The following COL5A2 variants were observed in gnomAD, a reference collection of about 807,000 sequenced individuals.
COL5A2 encodes collagen alpha-2(V) chain.
COL5A2 carries 23 observed loss-of-function variants against 208.2 expected under a neutral mutation model. The observed-to-expected ratio is 0.11, with a 90% CI of 0.08 to 0.16. The LOEUF is 0.16. COL5A2 is among the 10% of genes least tolerant of loss of function. The probability of loss-of-function intolerance (pLI) is 1.00; values close to 1 mark genes in which losing one functional copy is unlikely to be tolerated. For synonymous variants in COL5A2, 625 were observed against 628.5 expected, an observed-to-expected ratio of 0.99 and a Z score of 0.08; for missense variants, 1,590 against 1,956.4, an observed-to-expected ratio of 0.81 and a Z score of 3.53.
intron 1 of COL5A2, among the ~76,000 whole-genome samples, chr2:189,145,366 A>G (rs1688018697): frequency 6.6e-6 from 1 of 152,156 alleles, no homozygotes; most frequent in Admixed American, 6.6e-5. Context: ...CGTTCACTGA[A>G]TTTCCTATTT....
chr2:189,131,037 G>A (rs868189044), intron 1 of COL5A2, among the ~76,000 whole-genome samples: 16 of 152,164 alleles, frequency 1.1e-4, no homozygotes, highest in African/African-American at 3.6e-4. Flanking sequence ...CAAAAATTCA[G>A]CAAGGTAAAG....
the COL5A2 span, among the ~76,000 whole-genome samples, chr2:189,239,231 T>A: frequency 6.6e-6 from 1 of 152,066 alleles, no homozygotes; most frequent in Non-Finnish European, 1.5e-5. Context: ...ATGTTTATCT[T>A]CAGATTTTTT....
chr2:189,084,831 T>C (rs1362296635), intron 11 of COL5A2, among the ~76,000 whole-genome samples: 1 of 152,202 alleles, frequency 6.6e-6, no homozygotes, highest in East Asian at 1.9e-4. Flanking sequence ...CAGAGCAACA[T>C]ATTTTTTCTT....
intron 1 of COL5A2, among the ~76,000 whole-genome samples, chr2:189,128,753 A>C (rs1687655926): frequency 6.6e-6 from 1 of 152,054 alleles, no homozygotes; most frequent in Non-Finnish European, 1.5e-5. Context: ...GTTGTTCTTT[A>C]GAATGATCAT....
the COL5A2 span, among the ~76,000 whole-genome samples, chr2:189,259,071 G>A: frequency 3.9e-5 from 6 of 152,134 alleles, no homozygotes; most frequent in South Asian, 2.1e-4. Flanking sequence ...GACAGCAGAC[G>A]GGAAGATCAG....
the COL5A2 span, among the ~76,000 whole-genome samples, chr2:189,329,827 T>C: frequency 2.6e-5 from 4 of 151,972 alleles, no homozygotes; most frequent in Admixed American, 2.0e-4. Flanking sequence ...AATAATGTGA[T>C]GTCCACTTAG....
chr2:189,085,657 T>C lies in COL5A2; in HGVS notation c.744+62A>G, dbSNP rs893222950. The C allele has an allele frequency of 5.8e-6, 8 of 1,376,424 alleles. No homozygotes were observed. In the African/African-American group the frequency reaches 8.5e-5, roughly 15 times the overall value. 85.3% of individuals were successfully genotyped at this position (1,376,424 alleles called of 1,614,324 possible). A position where few individuals can be genotyped will look rare whatever the true frequency, so the allele number is the denominator to read the frequency against. ...CCTGGGAAGATAAATAACTCAATAT[T>C]TGACATCATTATAATGGTGGACCCA... On this transcript the variant is annotated intron_variant, in intron 10 of 53. Transcript: ENST00000374866.
the COL5A2 span, among the ~76,000 whole-genome samples, chr2:189,395,898 C>CAAAAAAA: frequency 3.8e-5 from 2 of 53,210 alleles, no homozygotes; most frequent in African/African-American, 7.8e-5. Context: ...GGACACATCT[C>CAAAAAAA]AAAAAAAAAA....
rs1218045479 is a variant in COL5A2, at chr2:189,196,327, CT to C, written c.-42+28820del. On this transcript the variant is annotated intron_variant, in intron 1 of 10. Coordinates refer to the COL5A2 transcript ENST00000649966. The stretch of plus-strand genomic sequence containing the variant: ...TATCTCTTTATTCTGGCTGCATTTT[CT>C]TTTTTAAGGCTTTCAGGAGCATAAA... 7.4e-5 allele frequency among the ~76,000 whole-genome samples: 11 copies of C among 148,338 alleles called. No homozygotes were observed. In the Admixed American group the frequency reaches 7.4e-4, roughly 10 times the overall value.
At chr2:189,195,173 A>G (rs1688984227) in intron 1 of COL5A2, among the ~76,000 whole-genome samples, 1 of 152,166 alleles carries the variant, frequency 6.6e-6, no homozygotes, top group African/African-American at 2.4e-5. Flanking sequence ...CTATACACCA[A>G]CAATAGACAA....
At chr2:189,376,639 A>G in the COL5A2 span, among the ~76,000 whole-genome samples, 1 of 152,208 alleles carries the variant, frequency 6.6e-6, no homozygotes, top group African/African-American at 2.4e-5. Context: ...TCCCTAATAT[A>G]GAAAGGTTTG....
At chr2:189,322,524 T>G in the COL5A2 span, among the ~76,000 whole-genome samples, 21 of 152,184 alleles carry the variant, frequency 1.4e-4, 1 homozygote, top group South Asian at 4.1e-3. Flanking sequence ...AAATACAAAC[T>G]GCCATCACAG....
chr2:189,032,779 C>A lies in COL5A2; in HGVS notation c.*1291G>T, dbSNP rs1409268880. 1.3e-5 allele frequency: 2 copies of A among 152,552 alleles called. No homozygotes were observed. Among genetic ancestry groups the A allele is most frequent in the African/African-American group, 4.8e-5 (2 of 41,444 alleles). 9.4% of individuals were successfully genotyped at this position (152,552 alleles called of 1,614,324 possible). A position where few individuals can be genotyped will look rare whatever the true frequency, so the allele number is the denominator to read the frequency against. On this transcript the variant is annotated 3_prime_UTR_variant, in exon 54 of 54. Coordinates refer to ENST00000374866, the MANE Select transcript of COL5A2 (RefSeq NM_000393.5). The stretch of plus-strand genomic sequence containing the variant: ...AGTGAACAAGCATTGGAACGATGCT[C>A]TTTCTTTCAGAAACGGGAAGTCTAA...
the COL5A2 span, among the ~76,000 whole-genome samples, chr2:189,401,320 G>A: frequency 1.3e-5 from 2 of 152,114 alleles, no homozygotes; most frequent in Non-Finnish European, 2.9e-5. Context: ...AAAGTATTTG[G>A]TTTTCTATTA....
the COL5A2 span, among the ~76,000 whole-genome samples, chr2:189,292,470 A>C: frequency 1.3e-5 from 2 of 152,228 alleles, no homozygotes; most frequent in Non-Finnish European, 2.9e-5. Flanking sequence ...TCTCAAAAGA[A>C]GACATTTATG....
the COL5A2 span, among the ~76,000 whole-genome samples, chr2:189,424,777 C>T: frequency 6.6e-6 from 1 of 152,080 alleles, no homozygotes; most frequent in Admixed American, 6.6e-5. Flanking sequence ...ATCAAAATAG[C>T]AATGGCATTC....
intron 1 of COL5A2, among the ~76,000 whole-genome samples, chr2:189,161,326 C>T (rs865994746): frequency 2.3e-4 from 35 of 152,038 alleles, no homozygotes; most frequent in African/African-American, 8.2e-4. Context: ...TGTATCTATT[C>T]CTCTCATTAT....
chr2:189,072,876 AAT>A (rs1686308404), intron 17 of COL5A2, among the ~76,000 whole-genome samples: 1 of 152,102 alleles, frequency 6.6e-6, no homozygotes, highest in Non-Finnish European at 1.5e-5. Flanking sequence ...GCATGCATAG[AAT>A]TTAAACCATT....
intron 1 of COL5A2, among the ~76,000 whole-genome samples, chr2:189,176,402 T>TGTTATACCAGGCAG (rs1398535706): frequency 1.3e-5 from 2 of 152,230 alleles, no homozygotes; most frequent in East Asian, 3.8e-4. Context: ...TTGCTTCACT[T>TGTTATACCAGGCAG]GTTTATATTA....
Sources: allele counts gnomAD v4.1 joint callset (sites outside exome capture counted in the v4.1 genomes callset), GRCh38; gene constraint gnomAD v4.1.1; transcripts MANE v1.5; gene names NCBI Gene and HGNC (gene_info 2026-07-23, HGNC 2026-07-21).